The following BAZ2A variants were observed in gnomAD, a reference collection of about 807,000 sequenced individuals.
The protein encoded by BAZ2A is bromodomain adjacent to zinc finger domain protein 2A.
Under a neutral mutation model 199.9 loss-of-function variants are expected in BAZ2A, and 34 were observed. That is an observed-to-expected ratio of 0.17 (90% CI 0.13 to 0.23). The LOEUF is 0.23. BAZ2A is among the 10% of genes least tolerant of loss of function. The pLI, the probability that BAZ2A is intolerant of heterozygous loss-of-function variation, is 1.00. For synonymous variants in BAZ2A, 857 were observed against 883.9 expected (o/e 0.97, Z 0.54); for missense variants, 2,002 against 2,391.1 (o/e 0.84, Z 3.39).
chr12:56,612,186 G>T lies in BAZ2A; in HGVS notation c.1196C>A (p.Ser399Tyr), dbSNP rs747677348. ...DAEQEEMETQ[S>Y]SDFPPSLTQP... ...GGTCAGGGATGGTGGGAAGTCTGAA[G>T]ATTGAGTTTCCATTTCTTCCTGTTC... The change falls in exon 6 of 29, where the codon TCT becomes TAT. Residue 399 changes from serine (S) to tyrosine (Y), a missense_variant. Physicochemically the swap from Ser to Tyr is moderately radical, Grantham distance 144. Transcript: ENST00000549884. 6.2e-7 allele frequency: 1 copy of T among 1,613,734 alleles called. No individual in the cohort carries two copies. The highest frequency in any genetic ancestry group is 8.5e-7 in the Non-Finnish European group (1 of 1,179,838).
At position 56,601,917 on chromosome 12, in the gene BAZ2A, G is replaced by GA; in HGVS notation, c.3699dup (p.Gln1234SerfsTer10). ...TGGGACTGAAGCTGAAGCTGAAGCT[G>GA]AGGCTGGGGCTGGGCAGGAGCATGA... On this transcript the variant is annotated frameshift_variant, in exon 20 of 29. Coordinates refer to ENST00000549884, the MANE Select transcript of BAZ2A (RefSeq NM_001300905.2). LOFTEE classifies it high-confidence loss of function. The GA allele has an allele frequency of 6.3e-7, 1 of 1,599,394 alleles. No individual in the cohort carries two copies. Among genetic ancestry groups the GA allele is most frequent in the Non-Finnish European group, 8.5e-7 (1 of 1,172,724 alleles).
rs374554603 is a variant in BAZ2A at position 56,612,043 on chromosome 12, T to C, written c.1339A>G (p.Ile447Val). ...LVVSPAASPE[I>V]SPEVCPAAST... ...GCTGCGGGACAAACTTCTGGAGAGA[T>C]TTCTGGGGAGGCTGCTGGAGAAACC... Residue 447 changes from isoleucine to valine, a missense_variant, in exon 6 of 29, where the codon ATC becomes GTC. Ile to Val is a conservative substitution (Grantham distance 29). Transcript: ENST00000549884. The C allele has an allele frequency of 6.1e-5, 98 of 1,611,048 alleles. No homozygotes were observed. In the East Asian group the frequency reaches 1.8e-3, roughly 29 times the overall value.
At position 56,597,650 on chromosome 12, in the gene BAZ2A, A is replaced by G; in HGVS notation, c.*968T>C. ...CGCTCTGAGGCCGACACACACACAC[A>G]CACACACACACACACACACACACAG... On this transcript the variant is annotated 3_prime_UTR_variant, in exon 29 of 29. Transcript: ENST00000549884. The G allele has an allele frequency of 6.6e-6, 1 of 151,096 alleles. No homozygotes were observed. Among genetic ancestry groups the G allele is most frequent in the Non-Finnish European group, 1.5e-5 (1 of 68,322 alleles). 9.4% of individuals were successfully genotyped at this position (151,096 alleles called of 1,614,324 possible).
intron 10 of BAZ2A, 39 bp from the exon 11 acceptor site, chr12:56,606,772 G>A: frequency 6.4e-7 from 1 of 1,562,484 alleles, no homozygotes; most frequent in African/African-American, 1.4e-5. Flanking sequence ...AGTGAGGCAG[G>A]AAGGCAGTTC....
intron 1 of BAZ2A, among the ~76,000 whole-genome samples, chr12:56,627,947 C>CT (rs1431972239): frequency 1.3e-5 from 2 of 151,050 alleles, no homozygotes; most frequent in African/African-American, 2.4e-5. Flanking sequence ...TTTGGGAGGC[C>CT]GAGGTGGGTA....
Position 56,613,958 on chromosome 12 carries a change from G to GCCAGAGAGTTGAAGGGCT in BAZ2A, c.893_910dup (p.Glu298_Leu303dup). The GCCAGAGAGTTGAAGGGCT allele has an allele frequency of 6.2e-7, 1 of 1,613,392 alleles. No individual in the cohort carries two copies. The highest frequency in any genetic ancestry group is 8.5e-7 in the Non-Finnish European group (1 of 1,179,472). ...GACATAGCCTCCAAACCTACCTGGT[G>GCCAGAGAGTTGAAGGGCT]CCAGAGAGTTGAAGGGCTCCAGAGA... On this transcript the variant is annotated inframe_insertion, in exon 4 of 29. Transcript: ENST00000549884.
rs187426997 is a variant in BAZ2A, at chr12:56,596,776, A to G, written c.*1842T>C. 1 of 152,686 alleles carries G rather than the reference A, an allele frequency of 6.5e-6. No homozygotes were observed. The allele number at this position is 152,686 out of a possible 1,614,324, so 9.5% of individuals were successfully genotyped here. On this transcript the variant is annotated 3_prime_UTR_variant, in exon 29 of 29. Transcript: ENST00000549884. ...CAATCCACCTCTTAAAAGCAAAAAA[A>G]AATCTCAAATAAAATTAAAAGTTTT... is the stretch of plus-strand genomic sequence containing the variant.
upstream of BAZ2A, chr12:56,636,780 A>G (rs1164810753): frequency 6.5e-6 from 1 of 153,218 alleles, no homozygotes; most frequent in African/African-American, 2.4e-5. Flanking sequence ...ATAACTCAGC[A>G]TTTCCCCAAA....
chr12:56,625,542 G>A (rs1951061487), intron 1 of BAZ2A, among the ~76,000 whole-genome samples: 1 of 152,008 alleles, frequency 6.6e-6, no homozygotes, highest in Non-Finnish European at 1.5e-5. Context: ...CATTCATGAG[G>A]CAGGTTACAG....
Position 56,604,197 on chromosome 12 carries a change from A to G in BAZ2A, c.3038+20T>C. On this transcript the variant is annotated intron_variant, in intron 16 of 28. Coordinates refer to ENST00000549884, the MANE Select transcript of BAZ2A (RefSeq NM_001300905.2). ...CCACTTCTCTCCTCTCTGAGGCTCTACTCTCTGTCTGGTCCCTACCTCCGG... is the reference window on the plus strand; with the variant it reads ...CCACTTCTCTCCTCTCTGAGGCTCTGCTCTCTGTCTGGTCCCTACCTCCGG... 6.3e-7 allele frequency: 1 copy of G among 1,591,448 alleles called. No individual in the cohort carries two copies. Among genetic ancestry groups the G allele is most frequent in the East Asian group, 2.3e-5 (1 of 44,384 alleles).
chr12:56,630,104 C>G, intron 1 of BAZ2A, 21 bp downstream of exon 1: 1 of 977,758 alleles, frequency 1.0e-6, no homozygotes, highest in South Asian at 4.7e-5. Flanking sequence ...CCTCAGGCCC[C>G]TGGCCACAGA....
At position 56,596,255 on chromosome 12, in the gene BAZ2A, G is replaced by A. The variant is rs1885819151; in HGVS notation, c.*2363C>T. 6.5e-6 allele frequency: 1 copy of A among 152,840 alleles called. No individual in the cohort carries two copies. 9.5% of individuals were successfully genotyped at this position (152,840 alleles called of 1,614,324 possible). On this transcript the variant is annotated 3_prime_UTR_variant, in exon 29 of 29. Coordinates refer to ENST00000549884, the MANE Select transcript of BAZ2A (RefSeq NM_001300905.2). ...CCAGACTGATGGGAGGGAAGCAAAA[G>A]GGCAGGGGGTGGGTTGTCTTTTTAT...
At chr12:56,610,310 T>A in intron 8 of BAZ2A, 95 bp from the exon 9 acceptor site, 1 of 1,572,870 alleles carries the variant, frequency 6.4e-7, no homozygotes, top group Admixed American at 1.7e-5. Context: ...GAGCAGACAA[T>A]GCCAGCCTGT....
At chr12:56,607,075 C>T (rs146890832) in intron 10 of BAZ2A, among the ~76,000 whole-genome samples, 2 of 152,216 alleles carry the variant, frequency 1.3e-5, no homozygotes, top group East Asian at 3.9e-4. Context: ...GGATACCTGA[C>T]AAGAGCAGAA....
At chr12:56,599,671 G>C (rs756676686) in intron 26 of BAZ2A, 31 bp downstream of exon 26, 8 of 1,611,838 alleles carry the variant, frequency 5.0e-6, no homozygotes, top group Non-Finnish European at 6.8e-6. Flanking sequence ...ATTTCTGTTT[G>C]AGTGTGGGAA....
At chr12:56,605,750 C>T (rs1336899089) in intron 13 of BAZ2A, 80 bp downstream of exon 13, 23 of 1,365,648 alleles carry the variant, frequency 1.7e-5, no homozygotes, top group Non-Finnish European at 2.2e-5. Context: ...AAATGTCTCT[C>T]CCATTGCAGA....
At chr12:56,634,899 G>C, upstream of BAZ2A, 1 of 984,620 alleles carries the variant, frequency 1.0e-6, no homozygotes, top group Non-Finnish European at 1.2e-6. Context: ...CCGCAGGAAC[G>C]GCCCGCCAAG....
At chr12:56,601,425 G>A in intron 20 of BAZ2A, 23 bp from the exon 21 acceptor site, 1 of 1,604,552 alleles carries the variant, frequency 6.2e-7, no homozygotes, top group Non-Finnish European at 8.5e-7. Context: ...TGAGACATAA[G>A]GAAATGAGGA....
intron 19 of BAZ2A, 57 bp from the exon 20 acceptor site, chr12:56,602,249 G>A (rs1401606392): frequency 2.3e-5 from 33 of 1,421,796 alleles, no homozygotes; most frequent in Non-Finnish European, 3.2e-5. Context: ...AAAAGTAAGA[G>A]GGTATATAAA....
Sources: gnomAD v4.1 joint callset for allele counts (sites outside exome capture counted in the v4.1 genomes callset) on GRCh38, gnomAD v4.1.1 for gene constraint, MANE v1.5 for transcripts, NCBI Gene and HGNC (gene_info 2026-07-23, HGNC 2026-07-21) for gene names.